The following EXTL2 variants were observed in gnomAD, a reference collection of about 807,000 sequenced individuals.
EXTL2 encodes exostosin-like 2.
Under a neutral mutation model 30.7 loss-of-function variants are expected in EXTL2, and 23 were observed. The observed-to-expected ratio is 0.75, with a 90% CI of 0.54 to 1.06. EXTL2 has a LOEUF of 1.06. Ranked by LOEUF, EXTL2 falls within the 50% of genes least tolerant of loss-of-function variation. The probability of loss-of-function intolerance (pLI) is 0.00; values close to 1 mark genes in which losing one functional copy is unlikely to be tolerated. For synonymous variants in EXTL2, 123 were observed against 133.8 expected, an observed-to-expected ratio of 0.92 and a Z score of 0.56; for missense variants, 352 against 396.3, an observed-to-expected ratio of 0.89 and a Z score of 0.95.
intron 2 of EXTL2, among the ~76,000 whole-genome samples, chr1:100,885,224 T>G (rs1649866132): frequency 6.6e-6 from 1 of 152,220 alleles, no homozygotes; most frequent in Non-Finnish European, 1.5e-5. Flanking sequence ...CTGATTTTTT[T>G]TCACATCTTT....
At chr1:100,890,531 T>C (rs1650342844) in intron 1 of EXTL2, among the ~76,000 whole-genome samples, 1 of 152,216 alleles carries the variant, frequency 6.6e-6, no homozygotes, top group Admixed American at 6.5e-5. Flanking sequence ...AGGCTGCAAA[T>C]TTTCCTGACT....
At chr1:100,879,319 G>A (rs977950082) in intron 2 of EXTL2, among the ~76,000 whole-genome samples, 2 of 152,002 alleles carry the variant, frequency 1.3e-5, no homozygotes, top group African/African-American at 4.8e-5. Flanking sequence ...TTGTACTTTG[G>A]CAACTGAGTC....
In EXTL2 at chr1:100,894,260, A is replaced by G. The variant is rs115463805; in HGVS notation, c.-72+373T>C. On this transcript the variant is annotated intron_variant, in intron 1 of 4. Transcript: ENST00000370114. ...TAAACTATCTAGTTTGCACCCAATT[A>G]ATTTTTCCTCAGCAGTGCAGTAGAG... Among the ~76,000 whole-genome samples, 694 of 152,234 alleles carry G rather than the reference A, an allele frequency of 4.6e-3. 7 individuals carry two copies. The highest frequency in any genetic ancestry group is 0.016 in the African/African-American group (648 of 41,522).
Position 100,877,784 on chromosome 1 carries a change from C to A in EXTL2, c.125G>T (p.Ser42Ile). The A allele has an allele frequency of 6.2e-7, 1 of 1,611,780 alleles. No homozygotes were observed. ...CATGAGCATCTTGTCTTCTTTAACACTGGGAAGTAAGGCAGTCAAAGCACC... is the reference window on the plus strand; with the variant it reads ...CATGAGCATCTTGTCTTCTTTAACAATGGGAAGTAAGGCAGTCAAAGCACC... ...VAGALTALLP[S>I]VKEDKMLMLR... The change falls in exon 3 of 5, where the codon AGT becomes ATT. Residue 42 changes from serine (S) to isoleucine (I), a missense_variant. By Grantham distance (142) the Ser-to-Ile change is moderately radical. Coordinates refer to ENST00000370114, the MANE Select transcript of EXTL2 (RefSeq NM_001033025.3). The surrounding 1 kb of genome is among the most constrained non-coding windows in gnomAD (Gnocchi z 4.1).
intron 1 of EXTL2, among the ~76,000 whole-genome samples, chr1:100,890,367 G>C (rs1470389566): frequency 1.3e-5 from 2 of 152,196 alleles, no homozygotes; most frequent in African/African-American, 2.4e-5. Context: ...GCCTGTGATG[G>C]GAGAAGCTGC....
intron 2 of EXTL2, 103 bp downstream of exon 2, chr1:100,888,650 T>G: frequency 1.9e-6 from 1 of 518,840 alleles, no homozygotes; most frequent in East Asian, 3.1e-5. Context: ...TGAAAACAGT[T>G]AACACTACTG....
At chr1:100,891,509 A>G (rs1319600537) in intron 1 of EXTL2, among the ~76,000 whole-genome samples, 8 of 152,190 alleles carry the variant, frequency 5.3e-5, no homozygotes, top group Admixed American at 4.6e-4. Context: ...GTAAGGGGCC[A>G]GTGAGTTGGG....
Position 100,888,741 on chromosome 1 carries a change from A to T in EXTL2, c.5+12T>A, listed in dbSNP as rs1477386440. ...AACAGTTAAACAAAAGCCAAAAAAT[A>T]TTGGTACTTACCTCATTGTGTTGAA... On this transcript the variant is annotated intron_variant, in intron 2 of 4. Coordinates refer to ENST00000370114, the MANE Select transcript of EXTL2 (RefSeq NM_001033025.3). 6.7e-7 allele frequency: 1 copy of T among 1,497,706 alleles called. No individual in the cohort carries two copies. Among genetic ancestry groups the T allele is most frequent in the East Asian group, 2.3e-5 (1 of 44,306 alleles). The allele number at this position is 1,497,706 out of a possible 1,614,324, so 92.8% of individuals were successfully genotyped here. A position where few individuals can be genotyped will look rare whatever the true frequency, so the allele number is the denominator to read the frequency against.
At chr1:100,882,494 C>T (rs1449744064) in intron 2 of EXTL2, among the ~76,000 whole-genome samples, 1 of 152,218 alleles carries the variant, frequency 6.6e-6, no homozygotes, top group African/African-American at 2.4e-5. Context: ...ATTAGTTATA[C>T]TCAAACAATA....
intron 3 of EXTL2, 39 bp from the exon 4 acceptor site, chr1:100,876,903 G>T (rs759374996): frequency 1.4e-6 from 2 of 1,421,106 alleles, no homozygotes; most frequent in South Asian, 2.3e-5. Flanking sequence ...GAATAGTTCG[G>T]AAATGAAAAC....
intron 2 of EXTL2, among the ~76,000 whole-genome samples, chr1:100,879,775 C>T (rs1258908471): frequency 2.6e-5 from 4 of 152,064 alleles, no homozygotes; most frequent in African/African-American, 9.7e-5. Context: ...TTGGTACTCC[C>T]CCTCTTCTTG....
chr1:100,877,630 G>T lies in EXTL2; in HGVS notation c.279C>A (p.His93Gln). Reference sequence around the variant, plus strand: ...TATTGTTCCATACCACAATCACTTTGTGCAGATTTGGTACAGCCTGATAAT... The same window carrying T: ...TATTGTTCCATACCACAATCACTTTTTGCAGATTTGGTACAGCCTGATAAT... The part of the protein sequence containing the change: ...LNHYQAVPNL[H>Q]KVIVVWNNIG... Residue 93 changes from histidine (H) to glutamine (Q), a missense_variant, in exon 3 of 5, where the codon CAC becomes CAA. Transcript: ENST00000370114. The surrounding 1 kb of genome is among the most constrained non-coding windows in gnomAD (Gnocchi z 4.1). The T allele has an allele frequency of 2.5e-6, 4 of 1,613,564 alleles. No individual in the cohort carries two copies. The South Asian group carries it at 4.4e-5, about 18-fold the overall frequency.
At chr1:100,880,838 G>T in intron 2 of EXTL2, 1 of 410,286 alleles carries the variant, frequency 2.4e-6, no homozygotes, top group Non-Finnish European at 3.3e-6. Context: ...ACATAGAAGT[G>T]TTTCTGATCT....
intron 4 of EXTL2, 100 bp downstream of exon 4, chr1:100,876,694 T>G: frequency 1.4e-6 from 1 of 739,576 alleles, no homozygotes; most frequent in South Asian, 2.0e-5. Context: ...AAATATTATC[T>G]AAAATATTTT....
intron 2 of EXTL2, among the ~76,000 whole-genome samples, chr1:100,879,460 G>A (rs1649395575): frequency 6.6e-6 from 1 of 152,076 alleles, no homozygotes; most frequent in South Asian, 2.1e-4. Context: ...AAACCAATCA[G>A]GAGTTTCTAA....
chr1:100,879,275 GGCCACCAGAA>G (rs1649381165), intron 2 of EXTL2, among the ~76,000 whole-genome samples: 1 of 152,044 alleles, frequency 6.6e-6, no homozygotes, highest in Non-Finnish European at 1.5e-5. Flanking sequence ...CTCTTCCACA[GGCCACCAGAA>G]GCATTTTAGG....
rs567260513 is a variant in EXTL2 at position 100,880,897 on chromosome 1, A to G, written c.6-2994T>C. 16 of 903,324 alleles carry G rather than the reference A, an allele frequency of 1.8e-5. No individual in the cohort carries two copies. The South Asian group carries it at 8.2e-4, about 46-fold the overall frequency. The allele number at this position is 903,324 out of a possible 1,614,324, so 56.0% of individuals were successfully genotyped here. A position where few individuals can be genotyped will look rare whatever the true frequency, so the allele number is the denominator to read the frequency against. On this transcript the variant is annotated intron_variant, in intron 2 of 4. Coordinates refer to ENST00000370114, the MANE Select transcript of EXTL2 (RefSeq NM_001033025.3). ...TAGCAGTTTTAATCTAGAAAAAGTA[A>G]TAAGATTAATTACTATAGCTTACTA...
chr1:100,875,633 C>T (rs1649055081), intron 4 of EXTL2, among the ~76,000 whole-genome samples: 1 of 152,032 alleles, frequency 6.6e-6, no homozygotes, highest in South Asian at 2.1e-4. Flanking sequence ...ACACAAACCT[C>T]AGATCATTAT....
chr1:100,894,762 C>T lies in EXTL2; in HGVS notation c.-201G>A, dbSNP rs1476198551. ...CTAAACCAAGTAGCGTGCATCTATCCTTCTCCATTAGCTGGATTAACAACC... is the reference window on the plus strand; with the variant it reads ...CTAAACCAAGTAGCGTGCATCTATCTTTCTCCATTAGCTGGATTAACAACC... On this transcript the variant is annotated 5_prime_UTR_variant, in exon 1 of 5. Transcript: ENST00000370114. The T allele has an allele frequency of 1.3e-5, 2 of 152,024 alleles. No homozygotes were observed. Among genetic ancestry groups the T allele is most frequent in the African/African-American group, 4.8e-5 (2 of 41,320 alleles). The allele number at this position is 152,024 out of a possible 1,614,324, so 9.4% of individuals were successfully genotyped here.
Sources: gnomAD v4.1 joint callset for allele counts (sites outside exome capture counted in the v4.1 genomes callset) on GRCh38, gnomAD v4.1.1 for gene constraint, Gnocchi (gnomAD v3.1) non-coding constraint, MANE v1.5 for transcripts, NCBI Gene and HGNC (gene_info 2026-07-23, HGNC 2026-07-21) for gene names.